Variants in DACH1 observed in about 807,000 individuals in gnomAD.
DACH1 encodes dachshund homolog 1.
A neutral mutation model predicts 54.2 loss-of-function variants in DACH1; 12 were observed. That is an observed-to-expected ratio of 0.22 (90% CI 0.14 to 0.36). The LOEUF is 0.36. DACH1 is among the 10% of genes least tolerant of loss of function. The pLI, the probability that DACH1 is intolerant of heterozygous loss-of-function variation, is 1.00. For missense variants in DACH1, 805 were observed against 929.8 expected, an observed-to-expected ratio of 0.87 and a Z score of 1.75; for synonymous variants, 386 against 366.2, an observed-to-expected ratio of 1.05 and a Z score of -0.62.
intron 4 of DACH1, among the ~76,000 whole-genome samples, chr13:71,566,393 C>T (rs1019896227): frequency 1.3e-4 from 20 of 152,068 alleles, no homozygotes; most frequent in East Asian, 7.7e-4. Context: ...TGATCATGGT[C>T]GCAATTCATC....
chr13:71,757,674 C>T (rs1156692321), intron 1 of DACH1, among the ~76,000 whole-genome samples: 1 of 152,048 alleles, frequency 6.6e-6, no homozygotes, highest in African/African-American at 2.4e-5. Context: ...CAGGCACCCG[C>T]CATTATGCCC....
chr13:71,691,455 C>T (rs1170544165), intron 1 of DACH1, among the ~76,000 whole-genome samples: 2 of 152,080 alleles, frequency 1.3e-5, no homozygotes, highest in Non-Finnish European at 2.9e-5. Context: ...CATTGAGACA[C>T]CAGAAAGTAA....
chr13:71,636,202 G>C lies in DACH1; in HGVS notation c.965-5485C>G, dbSNP rs186549101. Among the ~76,000 whole-genome samples, 14 of 152,244 alleles carry C rather than the reference G, an allele frequency of 9.2e-5. No homozygotes were observed. In the East Asian group the frequency reaches 1.4e-3, roughly 15 times the overall value. ...AAGCCCACATCCACAGAATATTTCT[G>C]AAATGGACTAAGGAATCTGTGGTTT... On this transcript the variant is annotated intron_variant, in intron 2 of 10. Transcript: ENST00000613252.
intron 3 of DACH1, among the ~76,000 whole-genome samples, chr13:71,582,157 A>G (rs1346601189): frequency 6.6e-6 from 1 of 152,176 alleles, no homozygotes; most frequent in Non-Finnish European, 1.5e-5. Flanking sequence ...CAAATTGCAT[A>G]ATGTTTTAAT....
In DACH1 at chr13:71,557,863, T is replaced by C. The variant is rs1244329999; in HGVS notation, c.1436-705A>G. 4.1e-5 allele frequency among the ~76,000 whole-genome samples: 6 copies of C among 146,698 alleles called. No individual in the cohort carries two copies. In the East Asian group the frequency reaches 1.2e-3, roughly 29 times the overall value. On this transcript the variant is annotated intron_variant, in intron 5 of 10. Transcript: ENST00000613252. ...GTACTAAAAAAAAAAAAAAAAAAAG[T>C]TACTGAAAGACAAAATGGACTAAGG...
intron 1 of DACH1, among the ~76,000 whole-genome samples, chr13:71,757,553 T>C (rs1251216341): frequency 2.7e-5 from 4 of 150,804 alleles, no homozygotes; most frequent in African/African-American, 9.8e-5. Flanking sequence ...AGACAGAGTC[T>C]TGCTCTGTCG....
intron 3 of DACH1, among the ~76,000 whole-genome samples, chr13:71,592,185 G>C (rs1873756384): frequency 1.3e-5 from 2 of 152,124 alleles, no homozygotes; most frequent in Non-Finnish European, 2.9e-5. Flanking sequence ...AATGGCATGA[G>C]GAGGAGAAAG....
At chr13:71,689,856 C>T (rs570006507) in intron 1 of DACH1, among the ~76,000 whole-genome samples, 10 of 152,198 alleles carry the variant, frequency 6.6e-5, no homozygotes, top group East Asian at 3.9e-4. Flanking sequence ...CCCTCGCCCT[C>T]GCCCCTAAAG....
intron 6 of DACH1, among the ~76,000 whole-genome samples, chr13:71,547,809 T>C (rs192836712): frequency 6.6e-6 from 1 of 152,236 alleles, no homozygotes; most frequent in East Asian, 1.9e-4. Flanking sequence ...TCTTTGGGAT[T>C]TACCTAAGCT....
In DACH1 at chr13:71,574,982, T is replaced by G. The variant is rs117015735; in HGVS notation, c.1127-1970A>C. 4.2e-3 allele frequency among the ~76,000 whole-genome samples: 645 copies of G among 152,144 alleles called. 2 individuals are homozygous for G. The highest frequency in any genetic ancestry group is 9.1e-3 in the South Asian group (44 of 4,824). On this transcript the variant is annotated intron_variant, in intron 3 of 10. Coordinates refer to ENST00000613252, the MANE Select transcript of DACH1 (RefSeq NM_080759.6). ...CACGCAAGCACTATAAATAGATGAATTTTTCAAATGTATGATATCAAGAGA... is the reference window on the plus strand; with the variant it reads ...CACGCAAGCACTATAAATAGATGAAGTTTTCAAATGTATGATATCAAGAGA...
At chr13:71,836,155 T>C (rs1212029045) in intron 1 of DACH1, among the ~76,000 whole-genome samples, 1 of 152,052 alleles carries the variant, frequency 6.6e-6, no homozygotes, top group Admixed American at 6.6e-5. Flanking sequence ...CACATTTTAT[T>C]CCTTTCACCA....
chr13:71,584,295 C>T (rs184831722), intron 3 of DACH1, among the ~76,000 whole-genome samples: 1 of 152,252 alleles, frequency 6.6e-6, no homozygotes, highest in African/African-American at 2.4e-5. Flanking sequence ...TGTGTAAAAA[C>T]TGTTTTCTTC....
chr13:71,810,448 C>G (rs1887668799), intron 1 of DACH1, among the ~76,000 whole-genome samples: 1 of 152,122 alleles, frequency 6.6e-6, no homozygotes, highest in Admixed American at 6.6e-5. Flanking sequence ...CAACAAATCA[C>G]TAGATTAGTG....
chr13:71,475,681 C>T lies in DACH1; in HGVS notation c.2014+25G>A, dbSNP rs376072426. 9 of 1,585,582 alleles carry T rather than the reference C, an allele frequency of 5.7e-6. No individual in the cohort carries two copies. In the African/African-American group the frequency reaches 1.1e-4, roughly 19 times the overall value. On this transcript the variant is annotated intron_variant, in intron 9 of 10. Transcript: ENST00000613252. ...TTAAGCATTAAAAATGACAGTTATT[C>T]ATGCAATAATATACACCCTCTTACC... is the stretch of plus-strand genomic sequence containing the variant.
At chr13:71,778,231 T>G (rs1253235556) in intron 1 of DACH1, among the ~76,000 whole-genome samples, 1 of 152,066 alleles carries the variant, frequency 6.6e-6, no homozygotes, top group Non-Finnish European at 1.5e-5. Flanking sequence ...CTCCAAGAGA[T>G]TAGACAACTC....
Position 71,600,856 on chromosome 13 carries a change from G to C in DACH1, c.1127-27844C>G, listed in dbSNP as rs192600565. ...CATTCTCAAAACTGACTTTTCATTA[G>C]AATCACCTGAAACAAATAAAAAATT... On this transcript the variant is annotated intron_variant, in intron 3 of 10. Transcript: ENST00000613252. Among the ~76,000 whole-genome samples the C allele has an allele frequency of 4.0e-3, 612 of 151,950 alleles. 4 individuals are homozygous for C. Among genetic ancestry groups the C allele is most frequent in the Non-Finnish European group, 6.8e-3 (462 of 67,914 alleles).
chr13:71,465,092 G>T (rs554842244), intron 10 of DACH1, among the ~76,000 whole-genome samples: 1 of 152,114 alleles, frequency 6.6e-6, no homozygotes, highest in South Asian at 2.1e-4. Flanking sequence ...CCCTAACCAT[G>T]GGAGGTAGGA....
At chr13:71,837,305 T>TA (rs1198744434) in intron 1 of DACH1, among the ~76,000 whole-genome samples, 6 of 152,152 alleles carry the variant, frequency 3.9e-5, no homozygotes, top group African/African-American at 1.4e-4. Flanking sequence ...GAAATGACTG[T>TA]TGGATTCACC....
At chr13:71,849,279 T>A (rs542743365) in intron 1 of DACH1, among the ~76,000 whole-genome samples, 6 of 152,218 alleles carry the variant, frequency 3.9e-5, no homozygotes, top group Non-Finnish European at 1.5e-5. Flanking sequence ...CACAACTAAC[T>A]ACTTTACACA....
Sources: gnomAD v4.1 joint callset for allele counts (sites outside exome capture counted in the v4.1 genomes callset) on GRCh38, gnomAD v4.1.1 for gene constraint, MANE v1.5 for transcripts, NCBI Gene and HGNC (gene_info 2026-07-23, HGNC 2026-07-21) for gene names.